PDXDC1: variants seen among roughly 807,000 people sequenced by gnomAD.
PDXDC1 encodes the protein pyridoxal-dependent decarboxylase domain-containing protein 1.
In PDXDC1, 42 loss-of-function variants were observed where a neutral mutation model predicts 100.1. That is an observed-to-expected ratio of 0.42 (90% CI 0.33 to 0.54). PDXDC1 has a LOEUF of 0.54. PDXDC1 is among the 20% of genes least tolerant of loss of function. The probability of loss-of-function intolerance (pLI) is 0.10; values close to 1 mark genes in which losing one functional copy is unlikely to be tolerated. For missense variants in PDXDC1, 636 were observed against 979.2 expected, an observed-to-expected ratio of 0.65 and a Z score of 4.68; for synonymous variants, 260 against 371.7, an observed-to-expected ratio of 0.70 and a Z score of 3.46.
chr16:15,084,594 C>A (rs1010956572), intron 16 of PDXDC1: 6 of 1,320,074 alleles, frequency 4.5e-6, no homozygotes, highest in Non-Finnish European at 5.4e-6. Flanking sequence ...TAATTGATTA[C>A]AATTTTCTTG....
At chr16:15,059,475 C>T (rs1443439305) in intron 16 of PDXDC1, among the ~76,000 whole-genome samples, 1 of 152,190 alleles carries the variant, frequency 6.6e-6, no homozygotes, top group Admixed American at 6.5e-5. Flanking sequence ...ACACTAGTAT[C>T]TTATTCCCAT....
At position 15,032,055 on chromosome 16, in the gene PDXDC1, C is replaced by G. The variant is rs1020115989; in HGVS notation, c.1571+149C>G. On this transcript the variant is annotated intron_variant, in intron 17 of 22. Coordinates refer to ENST00000396410, the MANE Select transcript of PDXDC1 (RefSeq NM_015027.4). ...TGCAACTCGGTTTTCTGGGCATTTA[C>G]AAAAGCACAGTGCAAGCAGGCAATT... 4.2e-6 allele frequency: 3 copies of G among 719,610 alleles called. No homozygotes were observed. In the African/African-American group the frequency reaches 5.3e-5, roughly 13 times the overall value. 44.6% of individuals were successfully genotyped at this position (719,610 alleles called of 1,614,324 possible). A position where few individuals can be genotyped will look rare whatever the true frequency, so the allele number is the denominator to read the frequency against.
At chr16:14,983,302 G>A (rs1351314402) in intron 1 of PDXDC1, among the ~76,000 whole-genome samples, 5 of 152,286 alleles carry the variant, frequency 3.3e-5, no homozygotes, top group Admixed American at 3.3e-4. Flanking sequence ...GCCGGGTATG[G>A]TGGCTCATGC....
At chr16:15,086,514 C>G (rs2045921788) in intron 16 of PDXDC1, 1 of 1,604,882 alleles carries the variant, frequency 6.2e-7, no homozygotes, top group South Asian at 1.1e-5. Context: ...CAGAAATTTA[C>G]AGCTATCTTA....
At chr16:15,005,096 C>T (rs1199298056) in intron 5 of PDXDC1, among the ~76,000 whole-genome samples, 3 of 152,256 alleles carry the variant, frequency 2.0e-5, no homozygotes, top group Non-Finnish European at 2.9e-5. Flanking sequence ...CGGTGGCTCA[C>T]GCCTGTAATC....
chr16:15,031,212 T>C (rs950447694), intron 16 of PDXDC1, among the ~76,000 whole-genome samples: 1 of 149,358 alleles, frequency 6.7e-6, no homozygotes, highest in African/African-American at 2.5e-5. Flanking sequence ...CTGGCTCAGA[T>C]TCCCAAAGCA....
At chr16:15,014,117 G>A (rs1355633899) in intron 8 of PDXDC1, among the ~76,000 whole-genome samples, 1 of 151,520 alleles carries the variant, frequency 6.6e-6, no homozygotes, top group Non-Finnish European at 1.5e-5. Context: ...CGAGGCAGGA[G>A]AATAGCTTGA....
At chr16:15,021,579 G>A (rs1470998528) in intron 12 of PDXDC1, among the ~76,000 whole-genome samples, 1 of 152,290 alleles carries the variant, frequency 6.6e-6, no homozygotes, top group Non-Finnish European at 1.5e-5. Context: ...ATGGAGTGCG[G>A]GAGAATGATG....
At chr16:15,084,068 G>C (rs2151810012) in intron 16 of PDXDC1, among the ~76,000 whole-genome samples, 1 of 152,330 alleles carries the variant, frequency 6.6e-6, no homozygotes, top group East Asian at 1.9e-4. Flanking sequence ...ACGACTTAGA[G>C]AAAATAAGGT....
intron 16 of PDXDC1, among the ~76,000 whole-genome samples, chr16:15,054,092 C>T (rs1023623237): frequency 3.9e-5 from 6 of 152,226 alleles, no homozygotes; most frequent in African/African-American, 1.4e-4. Flanking sequence ...GAGAAACTGG[C>T]CAGGACACCC....
the PDXDC1 span, among the ~76,000 whole-genome samples, chr16:15,144,420 C>T: frequency 6.6e-5 from 10 of 152,092 alleles, no homozygotes; most frequent in South Asian, 4.2e-4. Context: ...GCTGGGCAGA[C>T]GGCTGCTGGC....
At chr16:15,056,984 G>A (rs1415189023) in intron 16 of PDXDC1, among the ~76,000 whole-genome samples, 1 of 152,060 alleles carries the variant, frequency 6.6e-6, no homozygotes, top group African/African-American at 2.4e-5. Context: ...CAAGGTGAGA[G>A]GCGTCTCACC....
At chr16:15,083,032 C>T (rs187160775) in intron 16 of PDXDC1, among the ~76,000 whole-genome samples, 1 of 152,190 alleles carries the variant, frequency 6.6e-6, no homozygotes, top group Non-Finnish European at 1.5e-5. Context: ...TCCCCAATAG[C>T]CGCTTTATAA....
intron 16 of PDXDC1, chr16:15,129,732 G>T (rs765067574): frequency 3.3e-6 from 2 of 610,518 alleles, no homozygotes; most frequent in Non-Finnish European, 5.9e-6. Context: ...TGCTCACGAG[G>T]TCATTCCCAG....
chr16:14,992,940 C>A, intron 1 of PDXDC1, among the ~76,000 whole-genome samples: 1 of 152,072 alleles, frequency 6.6e-6, no homozygotes, highest in Non-Finnish European at 1.5e-5. Context: ...TAGCCTCAAA[C>A]TCCCAGGCTC....
intron 16 of PDXDC1, among the ~76,000 whole-genome samples, chr16:15,090,964 G>A (rs2046110176): frequency 6.6e-6 from 1 of 151,688 alleles, no homozygotes; most frequent in African/African-American, 2.4e-5. Flanking sequence ...TAATAGAAAG[G>A]AAGCATTAGA....
intron 16 of PDXDC1, among the ~76,000 whole-genome samples, chr16:15,087,588 G>C (rs1179546063): frequency 1.3e-5 from 2 of 152,064 alleles, no homozygotes; most frequent in African/African-American, 2.4e-5. Flanking sequence ...ATTTTCTGAT[G>C]AAATCCCAAG....
intron 1 of PDXDC1, chr16:14,975,430 A>G (rs1966664223): frequency 1.0e-6 from 1 of 985,152 alleles, no homozygotes; most frequent in African/African-American, 1.7e-5. Flanking sequence ...TGGGCCGAAG[A>G]GGCTGGGCGG....
chr16:14,975,071 C>G lies in PDXDC1; in HGVS notation c.-129C>G. 1.3e-6 allele frequency: 2 copies of G among 1,502,738 alleles called. No individual in the cohort carries two copies. Among genetic ancestry groups the G allele is most frequent in the Non-Finnish European group, 1.8e-6 (2 of 1,135,296 alleles). 93.1% of individuals were successfully genotyped at this position (1,502,738 alleles called of 1,614,324 possible). ...CAGCCCGCGGCGCCGCCTGGCAGCT[C>G]CTCCTCTTCTCCGCCCCGCCGGCCG... On this transcript the variant is annotated 5_prime_UTR_variant, in exon 1 of 23. Transcript: ENST00000396410.
Sources: gnomAD v4.1 joint callset for allele counts (sites outside exome capture counted in the v4.1 genomes callset) on GRCh38, gnomAD v4.1.1 for gene constraint, MANE v1.5 for transcripts, NCBI Gene and HGNC (gene_info 2026-07-23, HGNC 2026-07-21) for gene names.